The following GRIN2B variants were observed in gnomAD, a reference collection of about 807,000 sequenced individuals.
GRIN2B encodes glutamate ionotropic receptor NMDA type subunit 2B.
A neutral mutation model predicts 114.5 loss-of-function variants in GRIN2B; 5 were observed. That is an observed-to-expected ratio of 0.04 (90% CI 0.02 to 0.09). GRIN2B has a LOEUF of 0.09. Among genes scored for constraint, GRIN2B ranks in the 10% least tolerant of loss-of-function variants. GRIN2B has a pLI of 1.00. For missense variants in GRIN2B, 1,108 were observed against 1,943.5 expected (o/e 0.57, Z 8.08); for synonymous variants, 787 against 745.1 (o/e 1.06, Z -0.92).
intron 2 of GRIN2B, among the ~76,000 whole-genome samples, chr12:13,897,661 A>G (rs1038630295): frequency 2.0e-5 from 3 of 152,150 alleles, no homozygotes; most frequent in African/African-American, 7.2e-5. Context: ...GCTAGAAAAT[A>G]AGAATGTTGT....
intron 3 of GRIN2B, among the ~76,000 whole-genome samples, chr12:13,859,352 C>A (rs1229038775): frequency 5.3e-5 from 8 of 152,166 alleles, no homozygotes; most frequent in Admixed American, 3.9e-4. Context: ...GAAGCAATTT[C>A]TGGGCTTCAA....
chr12:13,956,025 T>C (rs1163462291), intron 2 of GRIN2B, among the ~76,000 whole-genome samples: 1 of 152,116 alleles, frequency 6.6e-6, no homozygotes, highest in Non-Finnish European at 1.5e-5. Flanking sequence ...TTGAAGGATA[T>C]GGGAAGGCTT....
At chr12:13,868,080 C>T (rs997316813) in intron 2 of GRIN2B, among the ~76,000 whole-genome samples, 1 of 152,070 alleles carries the variant, frequency 6.6e-6, no homozygotes, top group Non-Finnish European at 1.5e-5. Flanking sequence ...AGCACAAAAT[C>T]CAATCCAGTT....
At chr12:13,610,055 A>G (rs1265217053) in intron 9 of GRIN2B, 1 of 152,182 alleles carries the variant, frequency 6.6e-6, no homozygotes, top group Non-Finnish European at 1.5e-5. Context: ...ACATATTTGC[A>G]CAGGTCTTAT....
chr12:13,804,230 A>G (rs1275231886), intron 3 of GRIN2B, among the ~76,000 whole-genome samples: 1 of 100,356 alleles, frequency 1.0e-5, no homozygotes, highest in Non-Finnish European at 2.1e-5. Context: ...TCCTCTGTGG[A>G]CTGTTTTTTT....
chr12:13,563,029 G>A lies in GRIN2B; in HGVS notation c.4209C>T (p.Ser1403=). Residue 1403 remains serine (S), a synonymous_variant, in exon 14 of 14, where the codon TCC becomes TCT. Transcript: ENST00000609686. ...DDQCLLHGSK[S]YFFRQPTVAG... ...CCACCGTGGGCTGCCTGAAGAAGTA[G>A]GATTTGCTGCCATGGAGCAAGCACT... 6.2e-7 allele frequency: 1 copy of A among 1,614,018 alleles called. No homozygotes were observed. Among genetic ancestry groups the A allele is most frequent in the Admixed American group, 1.7e-5 (1 of 60,032 alleles).
At chr12:13,705,496 G>A (rs1379861896) in intron 4 of GRIN2B, among the ~76,000 whole-genome samples, 1 of 152,012 alleles carries the variant, frequency 6.6e-6, no homozygotes, top group Non-Finnish European at 1.5e-5. Flanking sequence ...ACGTTCATAA[G>A]GATTCCCAAA....
intron 2 of GRIN2B, among the ~76,000 whole-genome samples, chr12:13,911,268 G>C (rs1866623351): frequency 6.6e-6 from 1 of 152,066 alleles, no homozygotes; most frequent in African/African-American, 2.4e-5. Flanking sequence ...AGAAATGAAC[G>C]AATGATGACA....
At chr12:13,701,811 ATCC>A (rs1591684821) in intron 4 of GRIN2B, among the ~76,000 whole-genome samples, 1 of 152,210 alleles carries the variant, frequency 6.6e-6, no homozygotes, top group East Asian at 1.9e-4. Flanking sequence ...AACTCCACCA[ATCC>A]TCCTGAACAC....
intron 3 of GRIN2B, among the ~76,000 whole-genome samples, chr12:13,817,177 A>G (rs952335624): frequency 6.6e-6 from 1 of 152,198 alleles, no homozygotes; most frequent in Non-Finnish European, 1.5e-5. Context: ...AGAAAAGTCC[A>G]ACAGAAGGAA....
chr12:13,949,420 T>C (rs1421105), intron 2 of GRIN2B, among the ~76,000 whole-genome samples: 72,223 of 151,938 alleles, frequency 0.48, 17,315 homozygotes, highest in Non-Finnish European at 0.5. Flanking sequence ...CTCTCCAGGG[T>C]TGCTACAGGT....
chr12:13,758,287 A>T (rs2136633942), intron 3 of GRIN2B, among the ~76,000 whole-genome samples: 1 of 152,088 alleles, frequency 6.6e-6, no homozygotes, highest in South Asian at 2.1e-4. Context: ...AGCACCCCCT[A>T]ATAAACCCCC....
intron 2 of GRIN2B, among the ~76,000 whole-genome samples, chr12:13,968,396 G>A (rs142928823): frequency 2.0e-5 from 3 of 152,214 alleles, no homozygotes; most frequent in East Asian, 3.9e-4. Context: ...GGGTCAACAC[G>A]ATAACTGGCT....
rs1201999529 is a variant in GRIN2B at position 13,549,161 on chromosome 12, T to C, written c.*13622A>G. The C allele has an allele frequency of 6.6e-6, 1 of 152,130 alleles. No individual in the cohort carries two copies. Among genetic ancestry groups the C allele is most frequent in the Non-Finnish European group, 1.5e-5 (1 of 68,018 alleles). 9.4% of individuals were successfully genotyped at this position (152,130 alleles called of 1,614,324 possible). A position where few individuals can be genotyped will look rare whatever the true frequency, so the allele number is the denominator to read the frequency against. ...GATTATATCCTGAGCTTGATATCAT[T>C]CATAAGTGAACAGGTGGGTTGTAAG... On this transcript the variant is annotated 3_prime_UTR_variant, in exon 14 of 14. Transcript: ENST00000609686.
intron 10 of GRIN2B, among the ~76,000 whole-genome samples, chr12:13,595,110 A>C (rs1318896620): frequency 3.3e-5 from 5 of 152,232 alleles, no homozygotes; most frequent in Non-Finnish European, 7.3e-5. Flanking sequence ...AACAGGGTGA[A>C]GCAGTCAAGA....
intron 2 of GRIN2B, among the ~76,000 whole-genome samples, chr12:13,925,607 T>C (rs1866899059): frequency 6.6e-6 from 1 of 152,178 alleles, no homozygotes; most frequent in Non-Finnish European, 1.5e-5. Context: ...CCATCACCTA[T>C]GGCATTAGCC....
chr12:13,563,517 G>A lies in GRIN2B; in HGVS notation c.3721C>T (p.Arg1241Trp), dbSNP rs1212471451. The part of the protein sequence containing the change: ...GQNSGRQACI[R>W]CEACKKAGNL... ...CCTGCTTTCTTGCAAGCCTCACACCGGATGCACGCCTGCCTGCCCGAGTTC... is the reference window on the plus strand; with the variant it reads ...CCTGCTTTCTTGCAAGCCTCACACCAGATGCACGCCTGCCTGCCCGAGTTC... The change falls in exon 14 of 14, where the codon CGG becomes TGG. Residue 1241 changes from arginine to tryptophan, a missense_variant. This residue lies in a region of GRIN2B where 478 missense variants were observed against 506.0 expected (regional missense o/e 0.94). Transcript: ENST00000609686. The A allele has an allele frequency of 8.1e-6, 13 of 1,614,090 alleles. No individual in the cohort carries two copies. The highest frequency in any genetic ancestry group is 8.5e-6 in the Non-Finnish European group (10 of 1,180,024).
intron 10 of GRIN2B, among the ~76,000 whole-genome samples, chr12:13,601,148 C>A (rs1160447286): frequency 6.6e-6 from 1 of 152,192 alleles, no homozygotes; most frequent in Non-Finnish European, 1.5e-5. Flanking sequence ...GTTGTGAAGG[C>A]CTTGTATTAG....
chr12:13,959,493 A>C (rs373433864), intron 2 of GRIN2B, among the ~76,000 whole-genome samples: 2 of 152,172 alleles, frequency 1.3e-5, no homozygotes, highest in East Asian at 1.9e-4. Flanking sequence ...AGGGTGGAGG[A>C]GAGGAGGCGA....
Sources: gnomAD v4.1 joint callset for allele counts (sites outside exome capture counted in the v4.1 genomes callset) on GRCh38, gnomAD v4.1.1 for gene constraint, gnomAD v4.1.1 regional missense constraint, MANE v1.5 for transcripts, NCBI Gene and HGNC (gene_info 2026-07-23, HGNC 2026-07-21) for gene names.